Variants in ATP8A2 observed in about 807,000 individuals in gnomAD.
ATP8A2 encodes the protein phospholipid-transporting ATPase IB.
Under a neutral mutation model 165.6 loss-of-function variants are expected in ATP8A2, and 100 were observed. That is an observed-to-expected ratio of 0.60 (90% CI 0.51 to 0.71). ATP8A2 has a LOEUF of 0.71. Among genes scored for constraint, ATP8A2 ranks in the 30% least tolerant of loss-of-function variants. The probability of loss-of-function intolerance (pLI) is 0.00; values close to 1 mark genes in which losing one functional copy is unlikely to be tolerated. For missense variants in ATP8A2, 1,227 were observed against 1,479.5 expected (o/e 0.83, Z 2.80); for synonymous variants, 543 against 548.8 (o/e 0.99, Z 0.15).
chr13:25,847,536 A>G (rs1248716270), intron 30 of ATP8A2, among the ~76,000 whole-genome samples: 3 of 152,160 alleles, frequency 2.0e-5, no homozygotes, highest in African/African-American at 7.2e-5. Flanking sequence ...GGTTTGGTGT[A>G]ATGTTGTAAG....
chr13:26,002,526 G>T (rs1956649018), intron 35 of ATP8A2, among the ~76,000 whole-genome samples: 1 of 150,506 alleles, frequency 6.6e-6, no homozygotes, highest in South Asian at 2.1e-4. Flanking sequence ...TAACAAACCT[G>T]CAGGCTGTGC....
chr13:25,778,674 T>C, intron 27 of ATP8A2, among the ~76,000 whole-genome samples: 1 of 152,182 alleles, frequency 6.6e-6, no homozygotes, highest in Admixed American at 6.5e-5. Flanking sequence ...GAAAGAGTGA[T>C]GAATGCTGCT....
chr13:25,904,216 C>T (rs1358472843), intron 33 of ATP8A2, among the ~76,000 whole-genome samples: 1 of 152,150 alleles, frequency 6.6e-6, no homozygotes, highest in African/African-American at 2.4e-5. Context: ...TTTTTGGATT[C>T]GTGATGCTCA....
chr13:25,946,081 G>A (rs79258503), intron 33 of ATP8A2, among the ~76,000 whole-genome samples: 3,926 of 152,190 alleles, frequency 0.026, 182 homozygotes, highest in African/African-American at 0.089. Flanking sequence ...TTACAGAGGA[G>A]GAAAATGAGG....
At chr13:25,550,175 G>T (rs1221566842) in intron 10 of ATP8A2, among the ~76,000 whole-genome samples, 1 of 152,008 alleles carries the variant, frequency 6.6e-6, no homozygotes, top group Non-Finnish European at 1.5e-5. Flanking sequence ...GCGTGATGGT[G>T]GGCGCCTGTA....
chr13:25,767,477 A>G (rs957140168), intron 25 of ATP8A2, among the ~76,000 whole-genome samples: 4 of 152,256 alleles, frequency 2.6e-5, no homozygotes, highest in Non-Finnish European at 4.4e-5. Context: ...GAGAATATTT[A>G]GCAAGCAGCA....
chr13:25,853,727 AG>A (rs1324586877), intron 30 of ATP8A2, among the ~76,000 whole-genome samples: 4 of 152,284 alleles, frequency 2.6e-5, no homozygotes, highest in African/African-American at 9.6e-5. Context: ...TTCTCAATTC[AG>A]ATGGATTAAT....
At chr13:25,710,675 C>T (rs543608238) in intron 25 of ATP8A2, among the ~76,000 whole-genome samples, 6 of 152,294 alleles carry the variant, frequency 3.9e-5, no homozygotes, top group African/African-American at 1.4e-4. Flanking sequence ...ACAAATGGCA[C>T]AACCTTTGCC....
intron 27 of ATP8A2, among the ~76,000 whole-genome samples, chr13:25,813,782 G>C (rs1950939863): frequency 6.6e-6 from 1 of 152,120 alleles, no homozygotes; most frequent in Admixed American, 6.5e-5. Context: ...GGATGCTTTT[G>C]GATGAGCTTA....
chr13:25,838,563 A>ATTTT (rs538099896), intron 29 of ATP8A2, among the ~76,000 whole-genome samples: 2 of 145,562 alleles, frequency 1.4e-5, no homozygotes, highest in African/African-American at 5.0e-5. Context: ...ACTTTGAAGA[A>ATTTT]TTTTTTTTTT....
At chr13:25,574,891 AATTAT>A in intron 19 of ATP8A2, 34 bp downstream of exon 19, 2 of 1,215,104 alleles carry the variant, frequency 1.6e-6, no homozygotes, top group Non-Finnish European at 2.4e-6. Context: ...GAAATAAAAT[AATTAT>A]ATTTATTTAC....
intron 35 of ATP8A2, among the ~76,000 whole-genome samples, chr13:25,980,780 A>AGGATC (rs1318369768): frequency 6.6e-6 from 1 of 152,178 alleles, no homozygotes; most frequent in Non-Finnish European, 1.5e-5. Flanking sequence ...CTGAGGCAGG[A>AGGATC]GGATCACCTG....
chr13:25,857,136 CCCAGTG>C (rs1354832811), intron 30 of ATP8A2, among the ~76,000 whole-genome samples: 1 of 152,206 alleles, frequency 6.6e-6, no homozygotes, highest in Non-Finnish European at 1.5e-5. Context: ...TTTTCCTTCT[CCCAGTG>C]CCTGCAGCCC....
In ATP8A2 at chr13:25,983,082, T is replaced by C. The variant is rs76324664; in HGVS notation, c.3377+14403T>C. On this transcript the variant is annotated intron_variant, in intron 35 of 36. Transcript: ENST00000381655. ...TTATGTTTTCTGACTTTTGTTCTTT[T>C]GTAGCTCTGTTGGAGTGAGTCCAAC... 6.5e-3 allele frequency among the ~76,000 whole-genome samples: 986 copies of C among 152,372 alleles called. 5 individuals carry two copies. The highest frequency in any genetic ancestry group is 0.027 in the Middle Eastern group (8 of 294).
chr13:25,527,677 A>G (rs778768690), intron 2 of ATP8A2, among the ~76,000 whole-genome samples: 16 of 152,146 alleles, frequency 1.1e-4, no homozygotes, highest in Non-Finnish European at 1.0e-4. Flanking sequence ...GTTAGTATGC[A>G]TTTCCCTCTC....
At chr13:25,857,100 T>C (rs1022721321) in intron 30 of ATP8A2, among the ~76,000 whole-genome samples, 1 of 152,226 alleles carries the variant, frequency 6.6e-6, no homozygotes, top group South Asian at 2.1e-4. Context: ...CACATTTGTC[T>C]GCCCCTTTGA....
chr13:25,640,690 T>C (rs554755654), intron 24 of ATP8A2, among the ~76,000 whole-genome samples: 245 of 152,322 alleles, frequency 1.6e-3, no homozygotes, highest in Non-Finnish European at 2.9e-3. Context: ...GAGGAGCTGG[T>C]ACCATTCCTT....
intron 16 of ATP8A2, chr13:25,567,474 G>A: frequency 2.2e-6 from 1 of 445,808 alleles, no homozygotes; most frequent in Admixed American, 2.4e-5. Context: ...TTTTAGTTTA[G>A]TGGGAAAGCC....
At chr13:25,620,779 A>T (rs1275844029) in intron 24 of ATP8A2, among the ~76,000 whole-genome samples, 1 of 152,206 alleles carries the variant, frequency 6.6e-6, no homozygotes. Context: ...GAATAATTGA[A>T]CAAAATGTTA....
Sources: gnomAD v4.1 joint callset for allele counts (sites outside exome capture counted in the v4.1 genomes callset) on GRCh38, gnomAD v4.1.1 for gene constraint, MANE v1.5 for transcripts, NCBI Gene and HGNC (gene_info 2026-07-23, HGNC 2026-07-21) for gene names.